Variants in BTRC observed in about 807,000 individuals in gnomAD.
The protein encoded by BTRC is F-box/WD repeat-containing protein 1A.
In BTRC, 42 loss-of-function variants were observed where a neutral mutation model predicts 85.5. The ratio of observed to expected loss-of-function variants is 0.49; its 90% CI spans 0.38 to 0.64. BTRC has a LOEUF of 0.64. Ranked by LOEUF, BTRC falls within the 30% of genes least tolerant of loss-of-function variation. The pLI, the probability that BTRC is intolerant of heterozygous loss-of-function variation, is 0.00. For missense variants in BTRC, 594 were observed against 743.5 expected (o/e 0.80, Z 2.34); for synonymous variants, 255 against 263.3 (o/e 0.97, Z 0.30).
chr10:101,532,264 A>G, intron 7 of BTRC, 31 bp from the exon 8 acceptor site: 1 of 1,593,852 alleles, frequency 6.3e-7, no homozygotes, highest in Non-Finnish European at 8.5e-7. Flanking sequence ...GTGTTTCCTA[A>G]CACTGCCTCT....
chr10:101,435,259 T>C (rs968706986), intron 2 of BTRC, among the ~76,000 whole-genome samples: 1 of 152,186 alleles, frequency 6.6e-6, no homozygotes, highest in South Asian at 2.1e-4. Context: ...AAGTGTACTC[T>C]TAGGTGAGTT....
At chr10:101,539,185 C>T (rs2062431466) in intron 13 of BTRC, among the ~76,000 whole-genome samples, 1 of 152,094 alleles carries the variant, frequency 6.6e-6, no homozygotes, top group Non-Finnish European at 1.5e-5. Context: ...CCCCTTTTGA[C>T]ATTTGGGGAA....
At chr10:101,487,278 C>T (rs1320635745) in intron 4 of BTRC, among the ~76,000 whole-genome samples, 2 of 152,200 alleles carry the variant, frequency 1.3e-5, no homozygotes, top group Non-Finnish European at 2.9e-5. Context: ...CTTTCTTATG[C>T]CAACCCATTT....
At chr10:101,388,979 T>C (rs1298411627) in intron 1 of BTRC, among the ~76,000 whole-genome samples, 1 of 152,166 alleles carries the variant, frequency 6.6e-6, no homozygotes, top group African/African-American at 2.4e-5. Flanking sequence ...TCTATTCCTT[T>C]TGCTTTGAAA....
intron 4 of BTRC, among the ~76,000 whole-genome samples, chr10:101,521,326 C>T (rs1169687762): frequency 6.6e-6 from 1 of 152,168 alleles, no homozygotes; most frequent in Non-Finnish European, 1.5e-5. Flanking sequence ...CTGTTGTATA[C>T]AAGAAAAAGC....
intron 1 of BTRC, among the ~76,000 whole-genome samples, chr10:101,362,359 C>G (rs1590199045): frequency 6.6e-6 from 1 of 152,128 alleles, no homozygotes; most frequent in African/African-American, 2.4e-5. Flanking sequence ...GTGACCTGAC[C>G]TGATGCTGTC....
intron 1 of BTRC, among the ~76,000 whole-genome samples, chr10:101,356,850 G>A (rs904509104): frequency 3.3e-5 from 5 of 152,170 alleles, no homozygotes; most frequent in Middle Eastern, 3.2e-3. Flanking sequence ...AAGGAAGATA[G>A]GCCGGGTGCG....
At chr10:101,442,938 G>T (rs1254421136) in intron 2 of BTRC, among the ~76,000 whole-genome samples, 4 of 148,740 alleles carry the variant, frequency 2.7e-5, no homozygotes, top group Non-Finnish European at 5.9e-5. Context: ...GTCACCCAGG[G>T]TGGTGCCATC....
chr10:101,476,300 A>G (rs1945685181), intron 3 of BTRC, among the ~76,000 whole-genome samples: 1 of 152,108 alleles, frequency 6.6e-6, no homozygotes, highest in African/African-American at 2.4e-5. Flanking sequence ...CCTAGATTAG[A>G]TGCTGAACAG....
intron 13 of BTRC, among the ~76,000 whole-genome samples, chr10:101,548,511 G>C (rs1460889549): frequency 6.6e-6 from 1 of 152,210 alleles, no homozygotes; most frequent in African/African-American, 2.4e-5. Flanking sequence ...CAGCACTTTG[G>C]GAGGCTGAGG....
At chr10:101,485,575 C>T (rs1403522431) in intron 4 of BTRC, among the ~76,000 whole-genome samples, 3 of 152,144 alleles carry the variant, frequency 2.0e-5, no homozygotes, top group Non-Finnish European at 4.4e-5. Context: ...CTAAAACTTT[C>T]GGTAGTTCTT....
At chr10:101,418,386 A>G (rs1003498591) in intron 1 of BTRC, among the ~76,000 whole-genome samples, 1 of 152,100 alleles carries the variant, frequency 6.6e-6, no homozygotes, top group African/African-American at 2.4e-5. Context: ...ACAAAAACAC[A>G]GACATTTATA....
At position 101,508,913 on chromosome 10, in the gene BTRC, T is replaced by TA. The variant is rs59998718; in HGVS notation, c.325-12703dup. Among the ~76,000 whole-genome samples, 184 of 101,928 alleles carry TA rather than the reference T, an allele frequency of 1.8e-3. 4 individuals are homozygous for TA. The highest frequency in any genetic ancestry group is 3.3e-3 in the South Asian group (8 of 2,412). 66.9% of individuals were successfully genotyped at this position (101,928 alleles called of 152,430 possible). ...TGGGCAACAATGCAAGACTCCATCTTAAAAAAAAAAAAAAAAAAAAAAACT... is the reference window on the plus strand; with the variant it reads ...TGGGCAACAATGCAAGACTCCATCTTAAAAAAAAAAAAAAAAAAAAAAAACT... On this transcript the variant is annotated intron_variant, in intron 4 of 14. Transcript: ENST00000370187.
intron 1 of BTRC, among the ~76,000 whole-genome samples, chr10:101,417,955 C>A (rs1373667145): frequency 6.6e-6 from 1 of 152,122 alleles, no homozygotes; most frequent in African/African-American, 2.4e-5. Context: ...ACACTTGTCC[C>A]CAGTTTATTT....
chr10:101,420,081 A>ATTC (rs1164507499), intron 1 of BTRC, among the ~76,000 whole-genome samples: 14 of 151,818 alleles, frequency 9.2e-5, no homozygotes, highest in Admixed American at 2.6e-4. Context: ...TATATCATGA[A>ATTC]TATATTATTT....
At position 101,521,701 on chromosome 10, in the gene BTRC, C is replaced by T; in HGVS notation, c.387C>T (p.Ser129=). Residue 129 remains serine (S), a synonymous_variant, in exon 5 of 15, where the codon AGC becomes AGT. Coordinates refer to ENST00000370187, the MANE Select transcript of BTRC (RefSeq NM_033637.4). ...IVPKQRKLSA[S]YEKEKELCVK... ...CCAAGCAACGGAAACTCTCAGCAAG[C>T]TATGAAAAGGAAAAGGAACTGTGTG... 6.2e-7 allele frequency: 1 copy of T among 1,614,148 alleles called. No individual in the cohort carries two copies. The highest frequency in any genetic ancestry group is 8.5e-7 in the Non-Finnish European group (1 of 1,180,040).
chr10:101,432,072 T>C (rs1411223596), intron 2 of BTRC, among the ~76,000 whole-genome samples: 1 of 152,134 alleles, frequency 6.6e-6, no homozygotes, highest in African/African-American at 2.4e-5. Context: ...ATTGCTATTA[T>C]TGGAGAGTAA....
chr10:101,366,792 T>TATATATATTAATA (rs1364182611), intron 1 of BTRC, among the ~76,000 whole-genome samples: 16,501 of 87,134 alleles, frequency 0.19, 4,586 homozygotes, highest in Non-Finnish European at 0.27. Flanking sequence ...ATATATATTT[T>TATATATATTAATA]TACATTTATA....
Position 101,464,673 on chromosome 10 carries a change from C to G in BTRC, c.234+2615C>G, listed in dbSNP as rs147611816. Among the ~76,000 whole-genome samples the G allele has an allele frequency of 6.6e-3, 997 of 152,110 alleles. 6 individuals carry two copies. The highest frequency in any genetic ancestry group is 0.037 in the Middle Eastern group (11 of 294). On this transcript the variant is annotated intron_variant, in intron 3 of 14. Transcript: ENST00000370187. ...TTGTAAAGGGTTTTATCTCCATTCT[C>G]TTTGTGAAGAGCATGAACTCAATGT...
Sources: gnomAD v4.1 joint callset for allele counts (sites outside exome capture counted in the v4.1 genomes callset) on GRCh38, gnomAD v4.1.1 for gene constraint, MANE v1.5 for transcripts, NCBI Gene and HGNC (gene_info 2026-07-23, HGNC 2026-07-21) for gene names.